Variants in PLEKHA8 observed in about 807,000 individuals in gnomAD.
PLEKHA8 encodes the protein pleckstrin homology domain-containing family A member 8.
Under a neutral mutation model 68.2 loss-of-function variants are expected in PLEKHA8, and 36 were observed. That is an observed-to-expected ratio of 0.53 (90% CI 0.40 to 0.70). The LOEUF (loss-of-function observed/expected upper bound fraction) is 0.70, where lower values mean the gene tolerates loss of function less well. PLEKHA8 is among the 30% of genes least tolerant of loss of function. PLEKHA8 has a pLI of 0.00. For synonymous variants in PLEKHA8, 211 were observed against 216.1 expected, an observed-to-expected ratio of 0.98 and a Z score of 0.20; for missense variants, 505 against 615.4, an observed-to-expected ratio of 0.82 and a Z score of 1.90.
chr7:30,115,910 G>C (rs1245803779), intron 13 of PLEKHA8: 1 of 137,586 alleles, frequency 7.3e-6, no homozygotes, highest in Non-Finnish European at 1.6e-5. Context: ...ATGTATACAT[G>C]CATGCGTGCG....
chr7:30,094,089 G>C (rs1239742257), downstream of PLEKHA8, among the ~76,000 whole-genome samples: 3 of 152,154 alleles, frequency 2.0e-5, no homozygotes, highest in Non-Finnish European at 2.9e-5. Context: ...CTGACAGATA[G>C]CTAATTCCTT....
intron 6 of PLEKHA8, among the ~76,000 whole-genome samples, chr7:30,051,993 TAGAC>T (rs1486380536): frequency 6.6e-6 from 1 of 151,814 alleles, no homozygotes; most frequent in South Asian, 2.1e-4. Context: ...AATAAATAAA[TAGAC>T]AGTTACTGGC....
Position 30,083,767 on chromosome 7 carries a change from C to T in PLEKHA8, c.*4980C>T, listed in dbSNP as rs1206170012. 1.2e-5 allele frequency: 12 copies of T among 984,970 alleles called. No homozygotes were observed. The highest frequency in any genetic ancestry group is 1.7e-5 in the African/African-American group (1 of 57,202). The allele number at this position is 984,970 out of a possible 1,614,324, so 61.0% of individuals were successfully genotyped here. A position where few individuals can be genotyped will look rare whatever the true frequency, so the allele number is the denominator to read the frequency against. On this transcript the variant is annotated 3_prime_UTR_variant, in exon 14 of 14. Transcript: ENST00000449726. ...CTATGTGAGAATGTAAGAATAATAT[C>T]CTGCTTGTTCTAAATAGTTCATATA...
intron 13 of PLEKHA8, among the ~76,000 whole-genome samples, chr7:30,106,778 G>C (rs1796073965): frequency 6.6e-6 from 1 of 152,234 alleles, no homozygotes; most frequent in Non-Finnish European, 1.5e-5. Flanking sequence ...TACGTTGAAT[G>C]CACGCAAATG....
Position 30,074,123 on chromosome 7 carries a change from G to C in PLEKHA8, c.1353G>C (p.Gly451=). The C allele has an allele frequency of 6.2e-7, 1 of 1,612,726 alleles. No homozygotes were observed. The highest frequency in any genetic ancestry group is 8.5e-7 in the Non-Finnish European group (1 of 1,179,088). The part of the protein sequence containing the change: ...LRQHHGWVVR[G]VFALALRAAP... ...AACACCATGGCTGGGTAGTTCGAGG[G>C]GTTTTTGCGGTAAGTGATCCTTCTT... The change falls in exon 13 of 14, where the codon GGG becomes GGC. Residue 451 remains glycine, a synonymous_variant. Coordinates refer to ENST00000449726, the MANE Select transcript of PLEKHA8 (RefSeq NM_001197026.2).
chr7:30,056,742 A>AAAGTGT (rs749308104), intron 9 of PLEKHA8, among the ~76,000 whole-genome samples: 1 of 74,784 alleles, frequency 1.3e-5, no homozygotes, highest in Non-Finnish European at 2.4e-5. Flanking sequence ...AAAAAAAAAA[A>AAAGTGT]GTGTGTGTGT....
chr7:30,080,211 A>G lies in PLEKHA8; in HGVS notation c.*1424A>G, dbSNP rs1427313925. On this transcript the variant is annotated 3_prime_UTR_variant, in exon 14 of 14. Transcript: ENST00000449726. ...TTAAACTTCTTAAAACTTAAGAAAC[A>G]TTGTTTCATAAAACAATATTGAGTG... 4.1e-6 allele frequency: 4 copies of G among 985,306 alleles called. No individual in the cohort carries two copies. The highest frequency in any genetic ancestry group is 4.8e-6 in the Non-Finnish European group (4 of 829,928). The allele number at this position is 985,306 out of a possible 1,614,324, so 61.0% of individuals were successfully genotyped here.
chr7:30,039,387 C>T (rs186671754), intron 1 of PLEKHA8, among the ~76,000 whole-genome samples: 2 of 151,958 alleles, frequency 1.3e-5, no homozygotes, highest in African/African-American at 4.8e-5. Context: ...TGCTGGCGGG[C>T]GCCTGTAATC....
exon 14 of PLEKHA8, chr7:30,129,465 T>G: frequency 1.2e-6 from 1 of 831,296 alleles, no homozygotes; most frequent in Non-Finnish European, 1.9e-6. Flanking sequence ...TTTATCTTGT[T>G]CAAGTCACTT....
At position 30,049,299 on chromosome 7, in the gene PLEKHA8, A is replaced by C; in HGVS notation, c.514A>C (p.Ile172Leu). ...GAAGACCTTGGAAGAATGCATGCAG[A>C]TCGCAAATGCAGCCTTCACCTCTGA... is the stretch of plus-strand genomic sequence containing the variant. ...FLKTLEECMQ[I>L]ANAAFTSELL... Residue 172 changes from isoleucine (I) to leucine (L), a missense_variant, in exon 5 of 14, where the codon ATC (isoleucine) becomes CTC (leucine). Physicochemically the swap from Ile to Leu is conservative, Grantham distance 5 (BLOSUM62 2). Transcript: ENST00000449726. 6.2e-7 allele frequency: 1 copy of C among 1,614,132 alleles called. No homozygotes were observed. Among genetic ancestry groups the C allele is most frequent in the Non-Finnish European group, 8.5e-7 (1 of 1,180,018 alleles).
intron 12 of PLEKHA8, among the ~76,000 whole-genome samples, chr7:30,070,144 T>A (rs548429259): frequency 6.6e-5 from 10 of 150,674 alleles, no homozygotes; most frequent in African/African-American, 2.0e-4. Flanking sequence ...TTTTTTTTTT[T>A]ATGACTTTTA....
At chr7:30,115,738 A>G (rs1319423526) in intron 13 of PLEKHA8, 3 of 118,208 alleles carry the variant, frequency 2.5e-5, no homozygotes, top group Middle Eastern at 4.6e-3. Context: ...ACACGTATAC[A>G]TGTATACATA....
Position 30,049,383 on chromosome 7 carries a change from G to A in PLEKHA8, c.597+1G>A, listed in dbSNP as rs1412856377. The A allele has an allele frequency of 3.1e-6, 5 of 1,613,188 alleles. No homozygotes were observed. Among genetic ancestry groups the A allele is most frequent in the Non-Finnish European group, 8.5e-7 (1 of 1,179,382 alleles). The stretch of plus-strand genomic sequence containing the variant: ...GCTGGCCATGCTCAAGTCCAGCAAG[G>A]TAAAAGTCCAGCTCAGTTTGGCTGC... On this transcript the variant is annotated splice_donor_variant, in intron 5 of 13. Transcript: ENST00000449726. LOFTEE classifies it high-confidence loss of function.
rs1277335944 is a variant in PLEKHA8 at position 30,082,936 on chromosome 7, G to A, written c.*4149G>A. On this transcript the variant is annotated 3_prime_UTR_variant, in exon 14 of 14. Transcript: ENST00000449726. ...TCCTACAAGAACTTGGTTATATAAT[G>A]GTGCGTCTCTGAATCACTGATTAAA... 1 of 985,144 alleles carries A rather than the reference G, an allele frequency of 1.0e-6. No individual in the cohort carries two copies. The highest frequency in any genetic ancestry group is 1.2e-6 in the Non-Finnish European group (1 of 829,900). 61.0% of individuals were successfully genotyped at this position (985,144 alleles called of 1,614,324 possible).
intron 10 of PLEKHA8, among the ~76,000 whole-genome samples, chr7:30,061,546 T>C (rs932470332): frequency 6.6e-6 from 1 of 152,230 alleles, no homozygotes; most frequent in Non-Finnish European, 1.5e-5. Context: ...TACCTTTCTT[T>C]ATTGTATTTA....
Position 30,082,433 on chromosome 7 carries a change from TGTTCCCCCACCCCCCA to T in PLEKHA8, c.*3648_*3663del. On this transcript the variant is annotated 3_prime_UTR_variant, in exon 14 of 14. Transcript: ENST00000449726. ...CTGCGTGCCTGATCAGTGGGGATTC[TGTTCCCCCACCCCCCA>T]GACTGCAAGAGCTTCTTAAGAAGGA... 1 of 985,354 alleles carries T rather than the reference TGTTCCCCCACCCCCCA, an allele frequency of 1.0e-6. No homozygotes were observed. Among genetic ancestry groups the T allele is most frequent in the Non-Finnish European group, 1.2e-6 (1 of 829,898 alleles). The allele number at this position is 985,354 out of a possible 1,614,324, so 61.0% of individuals were successfully genotyped here.
chr7:30,129,545 A>G, downstream of PLEKHA8: 1 of 540,244 alleles, frequency 1.9e-6, no homozygotes, highest in Non-Finnish European at 3.3e-6. Flanking sequence ...CAACATGTAC[A>G]CCTGATTTAA....
At position 30,078,832 on chromosome 7, in the gene PLEKHA8, A is replaced by T. The variant is rs766992556; in HGVS notation, c.*45A>T. 6.9e-6 allele frequency: 11 copies of T among 1,587,508 alleles called. No homozygotes were observed. Among genetic ancestry groups the T allele is most frequent in the Non-Finnish European group, 7.7e-6 (9 of 1,165,950 alleles). On this transcript the variant is annotated 3_prime_UTR_variant, in exon 14 of 14. Coordinates refer to ENST00000449726, the MANE Select transcript of PLEKHA8 (RefSeq NM_001197026.2). ...CCTAACTTCAGGGAATAAGTGCTAA[A>T]GTGTTTTGTTGCCCTACTTAATTTC...
Position 30,056,278 on chromosome 7 carries a change from TTCTCTCTC to T in PLEKHA8, c.1039+964_1039+971del, listed in dbSNP as rs761685260. Among the ~76,000 whole-genome samples the T allele has an allele frequency of 4.8e-3, 269 of 56,384 alleles. 3 individuals carry two copies. The highest frequency in any genetic ancestry group is 0.015 in the East Asian group (29 of 1,996). 37.0% of individuals were successfully genotyped at this position (56,384 alleles called of 152,430 possible). ...ATTTTCAAAGATTTTTAAAGATATATTCTCTCTCTCTCTCTCTCTCTCTCTCTCTCTCT... is the reference window on the plus strand; with the variant it reads ...ATTTTCAAAGATTTTTAAAGATATATTCTCTCTCTCTCTCTCTCTCTCTCT... On this transcript the variant is annotated intron_variant, in intron 9 of 13. Coordinates refer to ENST00000449726, the MANE Select transcript of PLEKHA8 (RefSeq NM_001197026.2).
Sources: allele counts gnomAD v4.1 joint callset (sites outside exome capture counted in the v4.1 genomes callset), GRCh38; gene constraint gnomAD v4.1.1; transcripts MANE v1.5; gene names NCBI Gene and HGNC (gene_info 2026-07-23, HGNC 2026-07-21).